ADAM12: variants seen among roughly 807,000 people sequenced by gnomAD.
ADAM12 encodes disintegrin and metalloproteinase domain-containing protein 12.
In ADAM12, 70 loss-of-function variants were observed where a neutral mutation model predicts 106.4. That is an observed-to-expected ratio of 0.66 (90% CI 0.54 to 0.80). The LOEUF is 0.80. ADAM12 is among the 30% of genes least tolerant of loss of function. The pLI, the probability that ADAM12 is intolerant of heterozygous loss-of-function variation, is 0.00. For missense variants in ADAM12, 1,010 were observed against 1,171.9 expected, an observed-to-expected ratio of 0.86 and a Z score of 2.02; for synonymous variants, 420 against 433.5, an observed-to-expected ratio of 0.97 and a Z score of 0.39.
chr10:126,194,549 T>C (rs1412979270), intron 3 of ADAM12, among the ~76,000 whole-genome samples: 5 of 152,206 alleles, frequency 3.3e-5, no homozygotes, highest in Non-Finnish European at 5.9e-5. Flanking sequence ...TTTATCCCAA[T>C]AGTATTTAAA....
chr10:126,278,566 T>C (rs1959392297), intron 3 of ADAM12, among the ~76,000 whole-genome samples: 1 of 152,198 alleles, frequency 6.6e-6, no homozygotes, highest in African/African-American at 2.4e-5. Context: ...CTGTTTCCCC[T>C]AATATAATCC....
intron 1 of ADAM12, among the ~76,000 whole-genome samples, chr10:126,347,169 C>A (rs1385109782): frequency 6.6e-6 from 1 of 152,136 alleles, no homozygotes; most frequent in Non-Finnish European, 1.5e-5. Flanking sequence ...ACCGGTTGTT[C>A]CTTTCCATGT....
intron 3 of ADAM12, among the ~76,000 whole-genome samples, chr10:126,164,689 T>C (rs1291081318): frequency 6.6e-6 from 1 of 152,118 alleles, no homozygotes; most frequent in African/African-American, 2.4e-5. Flanking sequence ...AGAGAAAAGA[T>C]CTGGAAGGCA....
Position 126,133,930 on chromosome 10 carries a change from T to C in ADAM12, c.416+1654A>G, listed in dbSNP as rs563162098. 3.9e-5 allele frequency among the ~76,000 whole-genome samples: 6 copies of C among 152,324 alleles called. No homozygotes were observed. In the South Asian group the frequency reaches 8.3e-4, roughly 21 times the overall value. ...TACCTGTTGCCTTTCCTGTCCTCCA[T>C]CTCAGCTTTGTCTTTCTCCATGATC... On this transcript the variant is annotated intron_variant, in intron 5 of 22. Transcript: ENST00000448723.
intron 4 of ADAM12, among the ~76,000 whole-genome samples, chr10:126,144,993 C>T (rs11244837): frequency 0.2 from 30,216 of 152,182 alleles, 3,417 homozygotes; most frequent in Non-Finnish European, 0.26. Flanking sequence ...GTCTATCTTA[C>T]AGCCTGCCCT....
chr10:126,055,866 C>T (rs1039654475), intron 14 of ADAM12, among the ~76,000 whole-genome samples: 1 of 152,196 alleles, frequency 6.6e-6, no homozygotes, highest in South Asian at 2.1e-4. Flanking sequence ...TGGGTCACGG[C>T]CTACCCCCTG....
chr10:126,375,282 AGAAAG>A (rs1431112603), intron 1 of ADAM12, among the ~76,000 whole-genome samples: 1 of 151,950 alleles, frequency 6.6e-6, no homozygotes. Flanking sequence ...AGAAAGAAAA[AGAAAG>A]GAAAGAAAGG....
At chr10:126,212,115 A>G (rs1212267792) in intron 3 of ADAM12, among the ~76,000 whole-genome samples, 1 of 152,188 alleles carries the variant, frequency 6.6e-6, no homozygotes, top group Non-Finnish European at 1.5e-5. Flanking sequence ...CTGGCTGTAC[A>G]TTGCCATGCC....
At chr10:126,270,303 T>C (rs991284927) in intron 3 of ADAM12, among the ~76,000 whole-genome samples, 1 of 152,150 alleles carries the variant, frequency 6.6e-6, no homozygotes, top group Non-Finnish European at 1.5e-5. Flanking sequence ...AGAGGTGTGG[T>C]CACTCCCTGT....
At chr10:126,164,713 C>A (rs1166718414) in intron 3 of ADAM12, among the ~76,000 whole-genome samples, 1 of 152,118 alleles carries the variant, frequency 6.6e-6, no homozygotes, top group Non-Finnish European at 1.5e-5. Context: ...GGTATGCACC[C>A]AGACCGGACC....
rs369676041 is a variant in ADAM12, at chr10:126,346,608, C to T, written c.89-16099G>A. On this transcript the variant is annotated intron_variant, in intron 1 of 22. Coordinates refer to ENST00000448723, the MANE Select transcript of ADAM12 (RefSeq NM_001288973.2). The stretch of plus-strand genomic sequence containing the variant: ...CTTTCTGTCTCGTTGATCTGTCTAA[C>T]GTTGACAGTGGGGTGTTAAAGTCTC... Among the ~76,000 whole-genome samples the T allele has an allele frequency of 7.3e-4, 111 of 152,192 alleles. 1 individual carries two copies. The South Asian group carries it at 0.015, about 20-fold the overall frequency.
Position 126,064,983 on chromosome 10 carries a change from C to T in ADAM12, c.1432G>A (p.Ala478Thr). ...EDCQLKPAGTACRDSSNSCDL... is the reference protein window; with the variant it reads ...EDCQLKPAGTTCRDSSNSCDL... The stretch of plus-strand genomic sequence containing the variant: ...CAGGAGTTGCTGGAGTCCCTGCACG[C>T]TGTTCCTGCAGGCTTCAGCTGGAAG... The change falls in exon 14 of 23, where the codon GCG (alanine) becomes ACG (threonine). Residue 478 changes from alanine (A) to threonine (T), a missense_variant. Around this residue, in one of 3 missense-constraint regions of ADAM12, gnomAD observed 615 missense variants for 708.5 expected, o/e 0.87. Transcript: ENST00000448723. This position sits in a 1 kb window ranked among gnomAD's most constrained non-coding sequence, Gnocchi z 4.4. The T allele has an allele frequency of 6.2e-7, 1 of 1,611,636 alleles. No individual in the cohort carries two copies. Among genetic ancestry groups the T allele is most frequent in the Non-Finnish European group, 8.5e-7 (1 of 1,179,162 alleles).
chr10:126,041,899 C>G lies in ADAM12; in HGVS notation c.2104+1141G>C, dbSNP rs1004782174. 8 of 1,404,906 alleles carry G rather than the reference C, an allele frequency of 5.7e-6. No individual in the cohort carries two copies. The African/African-American group carries it at 1.0e-4, about 18-fold the overall frequency. The allele number at this position is 1,404,906 out of a possible 1,614,324, so 87.0% of individuals were successfully genotyped here. ...TCTCAGGAGCAGCACTGAAGCATGT[C>G]CATGTTTTAGCAGAAGCTCAACCAG... On this transcript the variant is annotated intron_variant, in intron 18 of 22. Coordinates refer to ENST00000448723, the MANE Select transcript of ADAM12 (RefSeq NM_001288973.2).
At position 126,274,124 on chromosome 10, in the gene ADAM12, G is replaced by A. The variant is rs114522397; in HGVS notation, c.260+4791C>T. Among the ~76,000 whole-genome samples the A allele has an allele frequency of 9.4e-3, 1,438 of 152,262 alleles. 29 individuals are homozygous for A. The highest frequency in any genetic ancestry group is 0.032 in the African/African-American group (1,350 of 41,544). On this transcript the variant is annotated intron_variant, in intron 3 of 22. Coordinates refer to ENST00000448723, the MANE Select transcript of ADAM12 (RefSeq NM_001288973.2). ...AGACTCCATCATCCACTCATTTGAG[G>A]AGTGCTCATCGATGCCTATGATGAG... is the stretch of plus-strand genomic sequence containing the variant.
intron 4 of ADAM12, among the ~76,000 whole-genome samples, chr10:126,137,604 C>T (rs957001184): frequency 6.6e-6 from 1 of 152,130 alleles, no homozygotes; most frequent in East Asian, 1.9e-4. Context: ...TGGATTTGCC[C>T]GTTCTGTTAT....
rs781133792 is a variant in ADAM12, at chr10:126,155,293, G to A, written c.273C>T (p.Ala91=). 14 of 1,613,864 alleles carry A rather than the reference G, an allele frequency of 8.7e-6. No individual in the cohort carries two copies. The Admixed American group carries it at 2.0e-4, about 23-fold the overall frequency. Residue 91 remains alanine (A), a synonymous_variant, in exon 4 of 23, where the codon GCC becomes GCT. Coordinates refer to ENST00000448723, the MANE Select transcript of ADAM12 (RefSeq NM_001288973.2). ...INLERNEGLI[A]SSFTETHYLQ... ...GATAGTGGGTTTCCGTGAAACTGCT[G>A]GCAATGAGACCTCTGCGGAAAAACA...
intron 3 of ADAM12, among the ~76,000 whole-genome samples, chr10:126,218,181 T>TG (rs953742230): frequency 4.6e-4 from 51 of 109,754 alleles, no homozygotes; most frequent in African/African-American, 1.6e-3. Context: ...AGTGTGTGTG[T>TG]GGGGGGGCAG....
intron 1 of ADAM12, among the ~76,000 whole-genome samples, chr10:126,375,827 C>A (rs1856270905): frequency 6.6e-6 from 1 of 151,402 alleles, no homozygotes; most frequent in Admixed American, 6.6e-5. Flanking sequence ...ATCACAGCAG[C>A]CTCGACCTCC....
At chr10:126,340,214 A>T (rs969450035) in intron 1 of ADAM12, among the ~76,000 whole-genome samples, 4 of 152,200 alleles carry the variant, frequency 2.6e-5, no homozygotes, top group Admixed American at 6.5e-5. Context: ...TCTGCCTAAG[A>T]ATGGATTGTA....
Sources: allele counts gnomAD v4.1 joint callset (sites outside exome capture counted in the v4.1 genomes callset), GRCh38; gene constraint gnomAD v4.1.1; regional missense constraint gnomAD v4.1.1; non-coding constraint Gnocchi (gnomAD v3.1); transcripts MANE v1.5; gene names NCBI Gene and HGNC (gene_info 2026-07-23, HGNC 2026-07-21).